GNL3L: variants seen among roughly 807,000 people sequenced by gnomAD.
The protein encoded by GNL3L is G protein nucleolar 3 like, also known as guanine nucleotide-binding protein-like 3-like protein.
Under a neutral mutation model 42.9 loss-of-function variants are expected in GNL3L, and 4 were observed. The ratio of observed to expected loss-of-function variants is 0.09; its 90% CI spans 0.05 to 0.21. GNL3L has a LOEUF of 0.21. GNL3L is among the 10% of genes least tolerant of loss of function. The probability of loss-of-function intolerance (pLI) is 1.00; values close to 1 mark genes in which losing one functional copy is unlikely to be tolerated. For synonymous variants in GNL3L, 159 were observed against 176.3 expected, an observed-to-expected ratio of 0.90 and a Z score of 0.78; for missense variants, 412 against 481.7, an observed-to-expected ratio of 0.86 and a Z score of 1.36.
chrX:54,535,417 C>G (rs1015755366), intron 2 of GNL3L, among the ~76,000 whole-genome samples: 92 of 111,696 alleles, frequency 8.2e-4, no homozygotes, highest in African/African-American at 2.9e-3. Flanking sequence ...GTGCACGGCT[C>G]TCTACCATCT....
chrX:54,619,120 C>T (rs1189860779), intron 16 of GNL3L, among the ~76,000 whole-genome samples: 1 of 110,684 alleles, frequency 9.0e-6, no homozygotes, highest in African/African-American at 3.3e-5. Flanking sequence ...GCATGTATAC[C>T]CTTTGATGCA....
the GNL3L span, among the ~76,000 whole-genome samples, chrX:54,629,761 G>C: frequency 9.0e-6 from 1 of 111,284 alleles, no homozygotes; most frequent in Non-Finnish European, 1.9e-5. Flanking sequence ...GTATTAGGGT[G>C]ATACTGGCTT....
intron 14 of GNL3L, among the ~76,000 whole-genome samples, chrX:54,556,526 C>G (rs1267946101): frequency 9.0e-6 from 1 of 110,845 alleles, no homozygotes; most frequent in Non-Finnish European, 1.9e-5. Flanking sequence ...CGTCTTGAAA[C>G]CTGAGGAGTT....
the GNL3L span, among the ~76,000 whole-genome samples, chrX:54,640,721 C>A: frequency 2.7e-5 from 3 of 112,006 alleles, no homozygotes; most frequent in African/African-American, 9.7e-5. Context: ...TCTTGTCGAC[C>A]CGCTTTCCTG....
At chrX:54,603,862 A>G (rs1026341123) in intron 16 of GNL3L, among the ~76,000 whole-genome samples, 57 of 111,889 alleles carry the variant, frequency 5.1e-4, no homozygotes, top group African/African-American at 1.8e-3. Context: ...AAAAAATTTA[A>G]AAAGGGGCCA....
rs918925505 is a variant in GNL3L at position 54,560,758 on chromosome X, C to T, written c.*156C>T. The T allele has an allele frequency of 2.1e-5, 9 of 428,105 alleles. No homozygotes were observed. The highest frequency in any genetic ancestry group is 1.2e-4 in the African/African-American group (5 of 41,000). The allele number at this position is 428,105 out of a possible 1,213,427, so 35.3% of individuals were successfully genotyped here. A position where few individuals can be genotyped will look rare whatever the true frequency, so the allele number is the denominator to read the frequency against. On this transcript the variant is annotated 3_prime_UTR_variant, in exon 16 of 16. Transcript: ENST00000360845. ...CCCCCTCCTCCAGTAAAAACAGTCC[C>T]GGCTAGGTGCTGTGGCTCACGTCTG...
intron 16 of GNL3L, among the ~76,000 whole-genome samples, chrX:54,573,034 C>T (rs1367685737): frequency 3.7e-5 from 4 of 109,360 alleles, no homozygotes; most frequent in African/African-American, 1.0e-4. Context: ...GGATGGCGGC[C>T]GGGCAGAGAC....
intron 16 of GNL3L, among the ~76,000 whole-genome samples, chrX:54,591,768 T>C (rs867721857): frequency 1.8e-5 from 2 of 111,300 alleles, no homozygotes; most frequent in Admixed American, 9.6e-5. Flanking sequence ...ATTTTGTGTT[T>C]ATTTTGCTAA....
intron 6 of GNL3L, 64 bp downstream of exon 6, chrX:54,543,102 A>G (rs760752301): frequency 9.1e-7 from 1 of 1,097,748 alleles, no homozygotes; most frequent in Non-Finnish European, 1.3e-6. Flanking sequence ...TTTCCTCTCC[A>G]TTTCTGTTTT....
At chrX:54,547,272 A>G (rs901131821) in intron 8 of GNL3L, among the ~76,000 whole-genome samples, 8 of 111,205 alleles carry the variant, frequency 7.2e-5, no homozygotes, top group Admixed American at 6.7e-4. Context: ...GCTGGATTAC[A>G]GGAATGAGCC....
chrX:54,627,018 T>A, the GNL3L span, among the ~76,000 whole-genome samples: 1 of 110,901 alleles, frequency 9.0e-6, no homozygotes, highest in Non-Finnish European at 1.9e-5. Context: ...CTTTTCAATT[T>A]TTTTTTTTGA....
rs765461601 is a variant in GNL3L at position 54,548,149 on chromosome X, G to A, written c.631-80G>A. On this transcript the variant is annotated intron_variant, in intron 8 of 15. Transcript: ENST00000360845. Reference sequence around the variant, plus strand: ...TGAGGAGCTCAGTGATCATAGGGAGGCCCTGAAAGTTGGAAATCTGGGCTC... The same window carrying A: ...TGAGGAGCTCAGTGATCATAGGGAGACCCTGAAAGTTGGAAATCTGGGCTC... The A allele has an allele frequency of 5.5e-6, 4 of 731,597 alleles. No individual in the cohort carries two copies. In the African/African-American group the frequency reaches 6.4e-5, roughly 12 times the overall value. 60.3% of individuals were successfully genotyped at this position (731,597 alleles called of 1,213,427 possible).
the GNL3L span, among the ~76,000 whole-genome samples, chrX:54,629,316 G>GA: frequency 1.8e-5 from 2 of 111,533 alleles, no homozygotes; most frequent in Non-Finnish European, 3.8e-5. Context: ...TAGAAGTGGT[G>GA]AAAGTGAGCA....
Position 54,566,876 on chromosome X carries a change from C to A in GNL3L, c.*6274C>A, listed in dbSNP as rs1287972927. 2.7e-5 allele frequency among the ~76,000 whole-genome samples: 3 copies of A among 111,655 alleles called. No homozygotes were observed. Among genetic ancestry groups the A allele is most frequent in the Non-Finnish European group, 5.6e-5 (3 of 53,132 alleles). ...GTAGCTTCGACCTCCTGGGCTCAAG[C>A]GAACCTCCCACCTCCGCCTCTTGAG... is the stretch of plus-strand genomic sequence containing the variant. On this transcript the variant is annotated 3_prime_UTR_variant, in exon 16 of 16. Transcript: ENST00000360845.
At chrX:54,623,082 C>CT (rs1926308266), downstream of GNL3L, among the ~76,000 whole-genome samples, 1 of 111,465 alleles carries the variant, frequency 9.0e-6, no homozygotes, top group Admixed American at 9.5e-5. Flanking sequence ...GTCTATATGT[C>CT]TATCTTTATA....
chrX:54,627,118 C>T, the GNL3L span, among the ~76,000 whole-genome samples: 27 of 110,679 alleles, frequency 2.4e-4, no homozygotes, highest in African/African-American at 8.6e-4. Flanking sequence ...AAGCGATTCT[C>T]CTGCCTCAGC....
At chrX:54,600,204 TGC>T (rs1217922032) in intron 16 of GNL3L, among the ~76,000 whole-genome samples, 2 of 86,062 alleles carry the variant, frequency 2.3e-5, no homozygotes, top group Non-Finnish European at 4.2e-5. Flanking sequence ...TCCAATCTGC[TGC>T]TTTTTTTTTT....
In GNL3L at chrX:54,558,743, G is replaced by A. The variant is rs767372366; in HGVS notation, c.1666+88G>A. 41 of 633,480 alleles carry A rather than the reference G, an allele frequency of 6.5e-5. No homozygotes were observed. The Admixed American group carries it at 9.4e-4, about 15-fold the overall frequency. 52.2% of individuals were successfully genotyped at this position (633,480 alleles called of 1,213,427 possible). A position where few individuals can be genotyped will look rare whatever the true frequency, so the allele number is the denominator to read the frequency against. On this transcript the variant is annotated intron_variant, in intron 15 of 15. Transcript: ENST00000360845. ...TTTTTTCTGGCTCACTGCAGTCTCCGCCCCCTGGGTTCAAGCGATTCTCCT... is the reference window on the plus strand; with the variant it reads ...TTTTTTCTGGCTCACTGCAGTCTCCACCCCCTGGGTTCAAGCGATTCTCCT...
At chrX:54,580,080 G>C (rs1426922081) in intron 16 of GNL3L, among the ~76,000 whole-genome samples, 3 of 93,085 alleles carry the variant, frequency 3.2e-5, no homozygotes, top group Non-Finnish European at 6.1e-5. Context: ...CATGTGCCAT[G>C]TTGGTGTGCT....
Sources: allele counts gnomAD v4.1 joint callset (sites outside exome capture counted in the v4.1 genomes callset), GRCh38; gene constraint gnomAD v4.1.1; transcripts MANE v1.5; gene names NCBI Gene and HGNC (gene_info 2026-07-23, HGNC 2026-07-21).